NECAB2: variants seen among roughly 807,000 people sequenced by gnomAD.
The protein encoded by NECAB2 is N-terminal EF-hand calcium-binding protein 2.
A neutral mutation model predicts 51.9 loss-of-function variants in NECAB2; 68 were observed. The observed-to-expected ratio is 1.31, with a 90% CI of 1.08 to 1.60. The LOEUF (loss-of-function observed/expected upper bound fraction) is 1.60. NECAB2 is among the 40% of genes most tolerant of loss of function. NECAB2 has a pLI of 0.00. For missense variants in NECAB2, 854 were observed against 490.3 expected (o/e 1.74, Z -7.00); for synonymous variants, 329 against 203.5 (o/e 1.62, Z -5.25).
intron 6 of NECAB2, among the ~76,000 whole-genome samples, chr16:83,993,999 G>T (rs1305315493): frequency 6.6e-6 from 1 of 152,182 alleles, no homozygotes; most frequent in Admixed American, 6.5e-5. Flanking sequence ...TTAGAGTGGG[G>T]GTGGGTCCCT....
chr16:83,973,648 C>G (rs1046256516), intron 2 of NECAB2, among the ~76,000 whole-genome samples: 2 of 152,102 alleles, frequency 1.3e-5, no homozygotes, highest in African/African-American at 4.8e-5. Context: ...AGCGTCATTG[C>G]CTGTGTGCTG....
chr16:83,994,536 A>G (rs1567675720), intron 7 of NECAB2, 73 bp from the exon 8 acceptor site: 11 of 1,603,590 alleles, frequency 6.9e-6, no homozygotes, highest in Non-Finnish European at 9.4e-6. Flanking sequence ...GAGGGGCTGG[A>G]TGTTTCCAGC....
At chr16:83,998,803 T>TC (rs2084761145) in intron 10 of NECAB2, among the ~76,000 whole-genome samples, 1 of 151,856 alleles carries the variant, frequency 6.6e-6, no homozygotes, top group Non-Finnish European at 1.5e-5. Flanking sequence ...GTTGCCCTTC[T>TC]CCCCCTGATG....
chr16:83,972,009 G>T, intron 1 of NECAB2, 142 bp from the exon 2 acceptor site: 2 of 1,099,870 alleles, frequency 1.8e-6, no homozygotes, highest in Admixed American at 2.1e-5. Flanking sequence ...GCCCGGGGAG[G>T]GGGAGAGGGA....
intron 6 of NECAB2, among the ~76,000 whole-genome samples, chr16:83,993,018 C>G (rs987102866): frequency 6.6e-6 from 1 of 152,208 alleles, no homozygotes; most frequent in Non-Finnish European, 1.5e-5. Context: ...CCCACCTGCC[C>G]CCATGGTGGG....
rs1995865 is a variant in NECAB2, at chr16:84,002,357, G to A, written c.*11G>A. 1.2e-6 allele frequency: 2 copies of A among 1,613,722 alleles called. No individual in the cohort carries two copies. Among genetic ancestry groups the A allele is most frequent in the Non-Finnish European group, 1.7e-6 (2 of 1,179,768 alleles). On this transcript the variant is annotated 3_prime_UTR_variant, in exon 13 of 13. Transcript: ENST00000305202. Reference sequence around the variant, plus strand: ...GTGGGACGGGACTGACAGCCTCCCAGAGGCCCGTGGAGGAGCCCACCAGCC... The same window carrying A: ...GTGGGACGGGACTGACAGCCTCCCAAAGGCCCGTGGAGGAGCCCACCAGCC...
chr16:83,993,058 G>C (rs532176945), intron 6 of NECAB2, among the ~76,000 whole-genome samples: 6 of 152,160 alleles, frequency 3.9e-5, no homozygotes, highest in African/African-American at 1.4e-4. Context: ...GTCAGACGGG[G>C]CAGCTTGTCG....
chr16:83,978,636 C>A (rs527762764), intron 3 of NECAB2, 84 bp downstream of exon 3: 2 of 1,203,646 alleles, frequency 1.7e-6, no homozygotes, highest in Admixed American at 1.8e-5. Context: ...CGTTCCTAGT[C>A]CCCTGTAAGG....
chr16:83,997,645 G>A (rs1413904509), intron 9 of NECAB2, among the ~76,000 whole-genome samples: 2 of 151,688 alleles, frequency 1.3e-5, no homozygotes, highest in Admixed American at 6.6e-5. Context: ...GTGCCACCAC[G>A]CCTGGCTAAT....
chr16:84,001,632 A>G (rs1051595646), intron 11 of NECAB2, among the ~76,000 whole-genome samples, 193 bp from the exon 12 acceptor site: 4 of 152,098 alleles, frequency 2.6e-5, no homozygotes, highest in South Asian at 2.1e-4. Flanking sequence ...AGGGAAAAAG[A>G]GAAGCTCACT....
At chr16:83,976,081 G>A (rs967477216) in intron 2 of NECAB2, among the ~76,000 whole-genome samples, 1 of 152,168 alleles carries the variant, frequency 6.6e-6, no homozygotes, top group Non-Finnish European at 1.5e-5. Flanking sequence ...TGCAGAGGGG[G>A]CCCAAGGTAC....
chr16:83,989,846 C>A (rs549946592), intron 5 of NECAB2, among the ~76,000 whole-genome samples: 1 of 152,172 alleles, frequency 6.6e-6, no homozygotes, highest in African/African-American at 2.4e-5. Flanking sequence ...CCCCAGAGTT[C>A]CGCTAAGACT....
upstream of NECAB2, chr16:83,965,646 A>G: frequency 6.2e-7 from 1 of 1,613,356 alleles, no homozygotes; most frequent in Non-Finnish European, 8.5e-7. Flanking sequence ...TATGAGGGTT[A>G]CCGCAGCCTC....
intron 1 of NECAB2, among the ~76,000 whole-genome samples, chr16:83,971,251 G>A (rs889354772): frequency 1.3e-4 from 20 of 152,170 alleles, no homozygotes; most frequent in African/African-American, 4.8e-4. Flanking sequence ...AGGTCTTAGC[G>A]CACAGGTGTC....
upstream of NECAB2, among the ~76,000 whole-genome samples, chr16:83,968,042 A>T (rs1280312369): frequency 6.6e-6 from 1 of 151,870 alleles, no homozygotes; most frequent in African/African-American, 2.4e-5. Context: ...GGGTGGATGG[A>T]GTATGAAGGA....
At chr16:83,994,818 G>C (rs2084674368) in intron 8 of NECAB2, 130 bp downstream of exon 8, 1 of 1,056,464 alleles carries the variant, frequency 9.5e-7, no homozygotes, top group African/African-American at 1.6e-5. Flanking sequence ...CATCCCCCAG[G>C]TGGGGCGTGG....
At chr16:83,988,861 A>T (rs1267644150) in intron 5 of NECAB2, among the ~76,000 whole-genome samples, 1 of 152,184 alleles carries the variant, frequency 6.6e-6, no homozygotes, top group Admixed American at 6.5e-5. Context: ...TACCCATGTA[A>T]CAAATAGGCA....
At chr16:84,002,087 G>A (rs1444795143) in intron 12 of NECAB2, among the ~76,000 whole-genome samples, 171 bp downstream of exon 12, 1 of 152,166 alleles carries the variant, frequency 6.6e-6, no homozygotes, top group Admixed American at 6.5e-5. Context: ...CCACATACAG[G>A]TATGCCTGCC....
chr16:83,986,195 C>G (rs1417911308), intron 5 of NECAB2, among the ~76,000 whole-genome samples: 1 of 151,934 alleles, frequency 6.6e-6, no homozygotes, highest in Non-Finnish European at 1.5e-5. Context: ...TTTTGTGTTT[C>G]TAGTAGAGAC....
Sources: gnomAD v4.1 joint callset for allele counts (sites outside exome capture counted in the v4.1 genomes callset) on GRCh38, gnomAD v4.1.1 for gene constraint, MANE v1.5 for transcripts, NCBI Gene and HGNC (gene_info 2026-07-23, HGNC 2026-07-21) for gene names.